The following DNAH3 variants were observed in gnomAD, a reference collection of about 807,000 sequenced individuals.
DNAH3 encodes dynein axonemal heavy chain 3, also known as axonemal beta dynein heavy chain 3.
Under a neutral mutation model 432.5 loss-of-function variants are expected in DNAH3, and 332 were observed. The observed-to-expected ratio is 0.77, with a 90% confidence interval of 0.70 to 0.84. The LOEUF is 0.84. Among genes scored for constraint, DNAH3 ranks in the 40% least tolerant of loss-of-function variants. The probability of loss-of-function intolerance (pLI) is 0.00; values close to 1 mark genes in which losing one functional copy is unlikely to be tolerated. For missense variants in DNAH3, 4,861 were observed against 5,114.0 expected (o/e 0.95, Z 1.51); for synonymous variants, 1,956 against 1,900.2 (o/e 1.03, Z -0.76).
chr16:20,994,973 C>T (rs151296740), intron 44 of DNAH3, among the ~76,000 whole-genome samples: 2 of 152,144 alleles, frequency 1.3e-5, no homozygotes, highest in South Asian at 2.1e-4. Context: ...GACAGGGTCT[C>T]ACCCAGGTTG....
At chr16:21,078,537 G>T (rs1302694843) in intron 20 of DNAH3, among the ~76,000 whole-genome samples, 2 of 152,146 alleles carry the variant, frequency 1.3e-5, no homozygotes, top group African/African-American at 4.8e-5. Context: ...AGATTAGTAT[G>T]AGACAAAGAG....
intron 1 of DNAH3, among the ~76,000 whole-genome samples, chr16:21,156,517 C>T (rs529171207): frequency 6.6e-6 from 1 of 152,144 alleles, no homozygotes; most frequent in Non-Finnish European, 1.5e-5. Flanking sequence ...TAGGTGTGAG[C>T]CACTGGGATC....
At chr16:21,036,787 A>C (rs747266209) in exon 35 of DNAH3, 1 of 1,613,346 alleles carries the variant, frequency 6.2e-7, no homozygotes, top group South Asian at 1.1e-5. Context: ...CAGCACTTTC[A>C]GAAAAACTTC....
chr16:20,962,500 A>G (rs955592387), intron 53 of DNAH3, among the ~76,000 whole-genome samples: 2 of 152,208 alleles, frequency 1.3e-5, no homozygotes, highest in Admixed American at 1.3e-4. Context: ...GAGTGGGGGA[A>G]TGGAGAGCCA....
intron 31 of DNAH3, among the ~76,000 whole-genome samples, chr16:21,048,476 A>G (rs948723914): frequency 2.0e-5 from 3 of 152,194 alleles, no homozygotes; most frequent in African/African-American, 7.2e-5. Context: ...TGACTCAGAA[A>G]GGGAACTCCC....
exon 48 of DNAH3, chr16:20,985,187 G>A (rs1397246845): frequency 6.2e-7 from 1 of 1,614,152 alleles, no homozygotes; most frequent in Non-Finnish European, 8.5e-7. Flanking sequence ...TCGTCAGCAG[G>A]GAAGATGTTA....
intron 11 of DNAH3, among the ~76,000 whole-genome samples, chr16:21,118,063 T>C (rs567090536): frequency 3.9e-5 from 6 of 152,144 alleles, no homozygotes; most frequent in African/African-American, 1.2e-4. Flanking sequence ...TCTGGGCTCA[T>C]TGCTACCTCT....
chr16:21,048,709 T>TC (rs1322159207), intron 31 of DNAH3, among the ~76,000 whole-genome samples: 1 of 151,946 alleles, frequency 6.6e-6, no homozygotes, highest in Admixed American at 6.6e-5. Flanking sequence ...CCCTCCTTTT[T>TC]TTTTTTTTTA....
chr16:21,034,180 G>A, intron 35 of DNAH3, 95 bp from the exon 36 acceptor site: 1 of 778,440 alleles, frequency 1.3e-6, no homozygotes, highest in Non-Finnish European at 2.1e-6. Context: ...GGGGTCAGAA[G>A]AGGATTCTCA....
chr16:20,945,312 C>T (rs1369512850), intron 57 of DNAH3, among the ~76,000 whole-genome samples: 1 of 152,082 alleles, frequency 6.6e-6, no homozygotes, highest in Non-Finnish European at 1.5e-5. Context: ...AGGAAGTTGC[C>T]CTATATAGTC....
chr16:21,047,537 A>G (rs1299445895), intron 31 of DNAH3, among the ~76,000 whole-genome samples: 1 of 150,874 alleles, frequency 6.6e-6, no homozygotes, highest in South Asian at 2.1e-4. Flanking sequence ...CAGCTCCTTT[A>G]AGCACTTCTC....
At chr16:21,129,703 C>A (rs1356311393) in intron 7 of DNAH3, among the ~76,000 whole-genome samples, 2 of 151,986 alleles carry the variant, frequency 1.3e-5, no homozygotes, top group Non-Finnish European at 2.9e-5. Flanking sequence ...CACCACTGCA[C>A]TCCAGCCTGG....
At chr16:20,948,211 AGGC>A (rs2084140499) in intron 57 of DNAH3, among the ~76,000 whole-genome samples, 2 of 152,238 alleles carry the variant, frequency 1.3e-5, no homozygotes, top group South Asian at 4.1e-4. Context: ...CTCACTTCCA[AGGC>A]TCCATCTTAA....
rs149714626 is a variant in DNAH3, at chr16:21,150,582, T to G, written c.118-4494A>C. On this transcript the variant is annotated intron_variant, in intron 1 of 61. Transcript: ENST00000261383. ...GAAGCTAGAGATAAGGGGACAGCAC[T>G]GGGTTTCTGCTGCGCTTTTGGCTCT... is the stretch of plus-strand genomic sequence containing the variant. 2.4e-5 allele frequency: 5 copies of G among 210,584 alleles called. No homozygotes were observed. In the South Asian group the frequency reaches 3.6e-4, roughly 15 times the overall value. The allele number at this position is 210,584 out of a possible 1,614,324, so 13.0% of individuals were successfully genotyped here.
Position 21,034,979 on chromosome 16 carries a change from C to T in DNAH3, c.5086-894G>A, listed in dbSNP as rs140379949. ...GCAGAGAACAATACAAAATCCCTAA[C>T]CATTAAGTAGGGTTGACATTCAGGT... On this transcript the variant is annotated intron_variant, in intron 35 of 61. Transcript: ENST00000261383. 3.4e-3 allele frequency among the ~76,000 whole-genome samples: 521 copies of T among 152,254 alleles called. 2 individuals carry two copies. Among genetic ancestry groups the T allele is most frequent in the Middle Eastern group, 6.8e-3 (2 of 294 alleles).
intron 16 of DNAH3, among the ~76,000 whole-genome samples, chr16:21,100,063 G>C (rs2091795681): frequency 6.6e-6 from 1 of 152,070 alleles, no homozygotes; most frequent in Admixed American, 6.6e-5. Context: ...ACATGATTTA[G>C]AGAATTAATT....
intron 20 of DNAH3, among the ~76,000 whole-genome samples, chr16:21,078,573 A>ACTGG (rs1337579421): frequency 1.3e-5 from 2 of 152,196 alleles, no homozygotes; most frequent in Non-Finnish European, 2.9e-5. Context: ...TCCAGTACTC[A>ACTGG]CTGGCTGTGT....
intron 10 of DNAH3, 21 bp downstream of exon 11, chr16:21,121,924 A>G: frequency 1.3e-6 from 2 of 1,568,308 alleles, no homozygotes; most frequent in Non-Finnish European, 1.7e-6. Flanking sequence ...ATGCAAATGA[A>G]TGATTAAGTG....
exon 53 of DNAH3, chr16:20,965,343 G>C: frequency 6.2e-7 from 1 of 1,600,072 alleles, no homozygotes; most frequent in South Asian, 1.1e-5. Context: ...TGTTGTCTTT[G>C]TCATATGTCT....
Sources: gnomAD v4.1 joint callset for allele counts (sites outside exome capture counted in the v4.1 genomes callset) on GRCh38, gnomAD v4.1.1 for gene constraint, MANE v1.5 for transcripts, NCBI Gene and HGNC (gene_info 2026-07-23, HGNC 2026-07-21) for gene names.